The following KCTD10 variants were observed in gnomAD, a reference collection of about 807,000 sequenced individuals.
The protein encoded by KCTD10 is potassium channel tetramerization domain containing 10.
Under a neutral mutation model 34.6 loss-of-function variants are expected in KCTD10, and 13 were observed. The ratio of observed to expected loss-of-function variants is 0.38; its 90% CI spans 0.24 to 0.60. The LOEUF (loss-of-function observed/expected upper bound fraction) is 0.60, where lower values mean the gene tolerates loss of function less well. KCTD10 is among the 20% of genes least tolerant of loss of function. The probability of loss-of-function intolerance (pLI) is 0.66; values close to 1 mark genes in which losing one functional copy is unlikely to be tolerated. For missense variants in KCTD10, 256 were observed against 420.3 expected (o/e 0.61, Z 3.42); for synonymous variants, 156 against 168.8 (o/e 0.92, Z 0.59).
intron 1 of KCTD10, chr12:109,469,951 T>G (rs1161430258): frequency 2.4e-6 from 3 of 1,250,418 alleles, no homozygotes; most frequent in Non-Finnish European, 3.2e-6. Flanking sequence ...GAACAACTGG[T>G]CAGAGCTGGG....
chr12:109,457,428 A>C, intron 5 of KCTD10: 2 of 557,408 alleles, frequency 3.6e-6, no homozygotes, highest in Admixed American at 3.3e-5. Context: ...ATAACTGTAC[A>C]CTCTAGAAAG....
intron 3 of KCTD10, chr12:109,458,650 T>G (rs1456997011): frequency 6.5e-6 from 1 of 154,168 alleles, no homozygotes; most frequent in Admixed American, 6.5e-5. Flanking sequence ...CTGCAGTGGT[T>G]TGCACGGTAG....
intron 1 of KCTD10, among the ~76,000 whole-genome samples, chr12:109,472,831 G>C (rs1274991751): frequency 5.3e-5 from 8 of 152,202 alleles, no homozygotes; most frequent in African/African-American, 1.9e-4. Flanking sequence ...ATGTGCGCAT[G>C]ACTGTACCTT....
intron 6 of KCTD10, among the ~76,000 whole-genome samples, chr12:109,454,689 A>C (rs1457066405): frequency 6.6e-6 from 1 of 152,222 alleles, no homozygotes; most frequent in Non-Finnish European, 1.5e-5. Flanking sequence ...TGATTGTGTC[A>C]CTGTACTCAA....
In KCTD10 at chr12:109,460,536, G is replaced by A. The variant is rs968346843; in HGVS notation, c.387+100C>T. The A allele has an allele frequency of 2.3e-6, 3 of 1,290,302 alleles. No homozygotes were observed. Among genetic ancestry groups the A allele is most frequent in the Non-Finnish European group, 3.3e-6 (3 of 920,180 alleles). The allele number at this position is 1,290,302 out of a possible 1,614,324, so 79.9% of individuals were successfully genotyped here. A position where few individuals can be genotyped will look rare whatever the true frequency, so the allele number is the denominator to read the frequency against. On this transcript the variant is annotated intron_variant, in intron 3 of 6. Transcript: ENST00000228495. This position sits in a 1 kb window ranked among gnomAD's most constrained non-coding sequence, Gnocchi z 4.5. Reference sequence around the variant, plus strand: ...ACTCATTAACTCTCACAACATCTCAGTCAGACAGAAACTGCCCCCATTTTG... The same window carrying A: ...ACTCATTAACTCTCACAACATCTCAATCAGACAGAAACTGCCCCCATTTTG...
chr12:109,468,366 A>G (rs1350187711), intron 2 of KCTD10, among the ~76,000 whole-genome samples: 1 of 152,110 alleles, frequency 6.6e-6, no homozygotes, highest in Non-Finnish European at 1.5e-5. Flanking sequence ...GCTTATGTGA[A>G]AACTCACCCA....
Position 109,460,547 on chromosome 12 carries a change from A to G in KCTD10, c.387+89T>C. The G allele has an allele frequency of 7.3e-7, 1 of 1,362,960 alleles. No individual in the cohort carries two copies. The highest frequency in any genetic ancestry group is 1.0e-6 in the Non-Finnish European group (1 of 981,584). The allele number at this position is 1,362,960 out of a possible 1,614,324, so 84.4% of individuals were successfully genotyped here. On this transcript the variant is annotated intron_variant, in intron 3 of 6. Coordinates refer to ENST00000228495, the MANE Select transcript of KCTD10 (RefSeq NM_031954.5). This position sits in a 1 kb window ranked among gnomAD's most constrained non-coding sequence, Gnocchi z 4.5. ...CTCACAACATCTCAGTCAGACAGAA[A>G]CTGCCCCCATTTTGCAGAGAGGGAA...
In KCTD10 at chr12:109,469,586, G is replaced by A. The variant is rs1873777983; in HGVS notation, c.146C>T (p.Thr49Met). The change falls in exon 2 of 7, where the codon ACG (threonine) becomes ATG (methionine). Residue 49 changes from threonine (T) to methionine (M), a missense_variant. By Grantham distance (81) the Thr-to-Met change is moderately conservative. Transcript: ENST00000228495. ...CAGCATGGTGTCCTGCTTGGTCAGC[G>A]TCTGCATGGTGGTATAGTAGAGGGC... ...GGALYYTTMQ[T>M]LTKQDTMLKA... 1.9e-6 allele frequency: 3 copies of A among 1,614,034 alleles called. No individual in the cohort carries two copies. The highest frequency in any genetic ancestry group is 2.5e-6 in the Non-Finnish European group (3 of 1,180,038).
At position 109,469,501 on chromosome 12, in the gene KCTD10, G is replaced by A. The variant is rs764930666; in HGVS notation, c.217+14C>T. On this transcript the variant is annotated intron_variant, in intron 2 of 6. Transcript: ENST00000228495. ...ACGCATGGCCAGAGGCAGGCACATG[G>A]TGGGTGAGCTTACCTTCACTGTCGG... 49 of 1,612,832 alleles carry A rather than the reference G, an allele frequency of 3.0e-5. No individual in the cohort carries two copies. The highest frequency in any genetic ancestry group is 4.0e-5 in the Non-Finnish European group (47 of 1,179,396).
chr12:109,452,705 T>C (rs4766602), intron 6 of KCTD10, among the ~76,000 whole-genome samples: 68,249 of 151,962 alleles, frequency 0.45, 15,682 homozygotes, highest in African/African-American at 0.52. Context: ...GAGTTTACTG[T>C]TTGCTGCTGC....
intron 5 of KCTD10, 121 bp downstream of exon 5, chr12:109,457,509 C>T (rs1362178320): frequency 1.3e-6 from 1 of 779,430 alleles, no homozygotes; most frequent in Non-Finnish European, 2.3e-6. Flanking sequence ...ACTTATCTAT[C>T]CAGGCAGAGA....
rs1389676597 is a variant in KCTD10, at chr12:109,449,308, G to A, written c.*2287C>T. On this transcript the variant is annotated 3_prime_UTR_variant, in exon 7 of 7. Coordinates refer to ENST00000228495, the MANE Select transcript of KCTD10 (RefSeq NM_031954.5). Reference sequence around the variant, plus strand: ...TATAAACCTGTTCATATTCCAGAGAGACAAAGACTCAAAACTACAAGTGCA... The same window carrying A: ...TATAAACCTGTTCATATTCCAGAGAAACAAAGACTCAAAACTACAAGTGCA... The A allele has an allele frequency of 6.6e-6, 1 of 152,238 alleles. No individual in the cohort carries two copies. The highest frequency in any genetic ancestry group is 2.4e-5 in the African/African-American group (1 of 41,462). The allele number at this position is 152,238 out of a possible 1,614,324, so 9.4% of individuals were successfully genotyped here. A position where few individuals can be genotyped will look rare whatever the true frequency, so the allele number is the denominator to read the frequency against.
intron 1 of KCTD10, chr12:109,470,181 T>A: frequency 1.0e-6 from 1 of 992,588 alleles, no homozygotes; most frequent in Non-Finnish European, 1.2e-6. Context: ...TCTTTACATT[T>A]CCTTATTGCC....
In KCTD10 at chr12:109,450,204, C is replaced by T; in HGVS notation, c.*1391G>A. ...ATCACCTGACGCACATTCACATCTC[C>T]TGGTAACTACTCTACCTAGTCTAGT... On this transcript the variant is annotated 3_prime_UTR_variant, in exon 7 of 7. Coordinates refer to ENST00000228495, the MANE Select transcript of KCTD10 (RefSeq NM_031954.5). The T allele has an allele frequency of 2.5e-6, 1 of 398,636 alleles. No homozygotes were observed. Among genetic ancestry groups the T allele is most frequent in the Non-Finnish European group, 4.4e-6 (1 of 226,054 alleles). 24.7% of individuals were successfully genotyped at this position (398,636 alleles called of 1,614,324 possible).
intron 6 of KCTD10, among the ~76,000 whole-genome samples, chr12:109,452,575 C>T (rs1872826833): frequency 6.6e-6 from 1 of 152,266 alleles, no homozygotes; most frequent in African/African-American, 2.4e-5. Flanking sequence ...TCTACCCCGT[C>T]TTCCTCACTG....
chr12:109,455,981 A>G (rs968401102), intron 6 of KCTD10, 137 bp downstream of exon 6: 2 of 854,918 alleles, frequency 2.3e-6, no homozygotes, highest in African/African-American at 3.4e-5. Flanking sequence ...AAAGATAAAT[A>G]TTTTAAGGAT....
At position 109,460,901 on chromosome 12, in the gene KCTD10, C is replaced by CGCTCTCCGCTGGGAGGT; in HGVS notation, c.218-97_218-96insACCTCCCAGCGGAGAGC. On this transcript the variant is annotated intron_variant, in intron 2 of 6. Coordinates refer to ENST00000228495, the MANE Select transcript of KCTD10 (RefSeq NM_031954.5). The surrounding 1 kb of genome is among the most constrained non-coding windows in gnomAD (Gnocchi z 4.5). ...GTGTCTCTCGGCTCCCTCTACCTCC[C>CGCTCTCCGCTGGGAGGT]AGCGGAGAGCGGGACTGCCTGGAGA... 7.9e-7 allele frequency: 1 copy of CGCTCTCCGCTGGGAGGT among 1,265,558 alleles called. No individual in the cohort carries two copies. The highest frequency in any genetic ancestry group is 1.1e-6 in the Non-Finnish European group (1 of 903,864). The allele number at this position is 1,265,558 out of a possible 1,614,324, so 78.4% of individuals were successfully genotyped here. A position where few individuals can be genotyped will look rare whatever the true frequency, so the allele number is the denominator to read the frequency against.
rs1403718344 is a variant in KCTD10 at position 109,451,353 on chromosome 12, TCA to T, written c.*240_*241del. Reference sequence around the variant, plus strand: ...CGAGAAAGCCTGGCTCCAAAGAGTCTCAGATTCTCATGAAAAGTAGAGATCTT... The same window carrying T: ...CGAGAAAGCCTGGCTCCAAAGAGTCTGATTCTCATGAAAAGTAGAGATCTT... On this transcript the variant is annotated 3_prime_UTR_variant, in exon 7 of 7. Coordinates refer to ENST00000228495, the MANE Select transcript of KCTD10 (RefSeq NM_031954.5). The surrounding 1 kb of genome is among the most constrained non-coding windows in gnomAD (Gnocchi z 5.0). 2.1e-6 allele frequency: 1 copy of T among 484,600 alleles called. No individual in the cohort carries two copies. Among genetic ancestry groups the T allele is most frequent in the African/African-American group, 2.0e-5 (1 of 50,792 alleles). 30.0% of individuals were successfully genotyped at this position (484,600 alleles called of 1,614,324 possible). A position where few individuals can be genotyped will look rare whatever the true frequency, so the allele number is the denominator to read the frequency against.
rs1472629555 is a variant in KCTD10, at chr12:109,451,521, C to G, written c.*74G>C. 1 of 1,407,042 alleles carries G rather than the reference C, an allele frequency of 7.1e-7. No homozygotes were observed. The highest frequency in any genetic ancestry group is 9.6e-7 in the Non-Finnish European group (1 of 1,036,980). 87.2% of individuals were successfully genotyped at this position (1,407,042 alleles called of 1,614,324 possible). A position where few individuals can be genotyped will look rare whatever the true frequency, so the allele number is the denominator to read the frequency against. ...AAGGGAAGCAGAAGGGGCCCGGCAG[C>G]CTGCACAGGATCTGGGTGTAGCACG... On this transcript the variant is annotated 3_prime_UTR_variant, in exon 7 of 7. Coordinates refer to ENST00000228495, the MANE Select transcript of KCTD10 (RefSeq NM_031954.5). This position sits in a 1 kb window ranked among gnomAD's most constrained non-coding sequence, Gnocchi z 5.0.
Sources: gnomAD v4.1 joint callset for allele counts (sites outside exome capture counted in the v4.1 genomes callset) on GRCh38, gnomAD v4.1.1 for gene constraint, Gnocchi (gnomAD v3.1) non-coding constraint, MANE v1.5 for transcripts, NCBI Gene and HGNC (gene_info 2026-07-23, HGNC 2026-07-21) for gene names.